PTPRN2: variants seen among roughly 807,000 people sequenced by gnomAD.
PTPRN2 encodes the protein protein tyrosine phosphatase receptor type N2.
Under a neutral mutation model 118.8 loss-of-function variants are expected in PTPRN2, and 74 were observed. The observed-to-expected ratio is 0.62, with a 90% CI of 0.52 to 0.76. The LOEUF is 0.76. Ranked by LOEUF, PTPRN2 falls within the 30% of genes least tolerant of loss-of-function variation. The pLI is 0.00. For synonymous variants in PTPRN2, 641 were observed against 608.0 expected (o/e 1.05, Z -0.80); for missense variants, 1,481 against 1,394.4 (o/e 1.06, Z -0.99).
chr7:158,311,105 T>A (rs4909176), intron 3 of PTPRN2, among the ~76,000 whole-genome samples: 2 of 152,234 alleles, frequency 1.3e-5, no homozygotes, highest in South Asian at 4.1e-4. Context: ...AGGGCGCAAA[T>A]AGAGTGGGCA....
intron 12 of PTPRN2, among the ~76,000 whole-genome samples, chr7:157,759,340 G>A (rs561934900): frequency 5.9e-5 from 9 of 152,334 alleles, no homozygotes; most frequent in Admixed American, 1.3e-4. Flanking sequence ...ATCGGGGAGC[G>A]ATGTTCCTGA....
At chr7:158,304,901 A>G (rs1801170038) in intron 3 of PTPRN2, among the ~76,000 whole-genome samples, 1 of 152,268 alleles carries the variant, frequency 6.6e-6, no homozygotes, top group African/African-American at 2.4e-5. Context: ...GGGATTCTCT[A>G]CAGAATGTAG....
At position 158,207,923 on chromosome 7, in the gene PTPRN2, C is replaced by T. The variant is rs1268079737; in HGVS notation, c.278-2650G>A. ...TAGAAAAGACAATCAGAATCCTATC[C>T]GATAAACTTAACAATGAAATTAGAA... On this transcript the variant is annotated intron_variant, in intron 3 of 22. Transcript: ENST00000389418. Among the ~76,000 whole-genome samples the T allele has an allele frequency of 7.9e-5, 12 of 152,194 alleles. No individual in the cohort carries two copies. The East Asian group carries it at 2.1e-3, about 27-fold the overall frequency.
chr7:158,228,737 C>T (rs1383196689), intron 3 of PTPRN2, among the ~76,000 whole-genome samples: 1 of 152,068 alleles, frequency 6.6e-6, no homozygotes, highest in African/African-American at 2.4e-5. Context: ...GGGAAATTTC[C>T]CCTCAACTCA....
intron 11 of PTPRN2, among the ~76,000 whole-genome samples, chr7:157,936,692 A>T (rs1475175966): frequency 6.6e-6 from 1 of 151,046 alleles, no homozygotes; most frequent in East Asian, 2.0e-4. Flanking sequence ...GTGGGGGTCT[A>T]CAGTGCAGGT....
chr7:158,326,110 C>G (rs1312158490), intron 2 of PTPRN2, among the ~76,000 whole-genome samples: 1 of 152,224 alleles, frequency 6.6e-6, no homozygotes, highest in Non-Finnish European at 1.5e-5. Flanking sequence ...CGCCGCAGGT[C>G]TTGAGTCTGG....
In PTPRN2 at chr7:157,925,415, G is replaced by A. The variant is rs187796806; in HGVS notation, c.1724-26678C>T. Among the ~76,000 whole-genome samples the A allele has an allele frequency of 3.3e-5, 5 of 152,316 alleles. No individual in the cohort carries two copies. The East Asian group carries it at 9.7e-4, about 29-fold the overall frequency. On this transcript the variant is annotated intron_variant, in intron 11 of 22. Transcript: ENST00000389418. ...GTTAAATCCCCTCCAGAATCTTCCAGAATCCCCAAAATCTAAATGCCCACA... is the reference window on the plus strand; with the variant it reads ...GTTAAATCCCCTCCAGAATCTTCCAAAATCCCCAAAATCTAAATGCCCACA...
intron 6 of PTPRN2, among the ~76,000 whole-genome samples, chr7:158,145,259 T>G (rs1479929562): frequency 1.3e-5 from 2 of 149,480 alleles, no homozygotes; most frequent in Non-Finnish European, 3.0e-5. Flanking sequence ...TTGGCAAGAC[T>G]TCCCTCACAT....
intron 2 of PTPRN2, among the ~76,000 whole-genome samples, chr7:158,394,725 G>A (rs1812202080): frequency 1.3e-5 from 2 of 152,226 alleles, no homozygotes; most frequent in South Asian, 2.1e-4. Context: ...CATTCAGGAC[G>A]GGGCGACAAG....
intron 11 of PTPRN2, among the ~76,000 whole-genome samples, chr7:157,918,335 CAA>C (rs1798524165): frequency 6.6e-6 from 1 of 152,200 alleles, no homozygotes; most frequent in Non-Finnish European, 1.5e-5. Flanking sequence ...GAACTTAAAA[CAA>C]ATTACCTGGG....
At chr7:158,254,199 A>G (rs1436047137) in intron 3 of PTPRN2, among the ~76,000 whole-genome samples, 10 of 41,306 alleles carry the variant, frequency 2.4e-4, no homozygotes, top group African/African-American at 1.2e-3. Context: ...TGCCGCCCAC[A>G]GCACAACCCG....
intron 4 of PTPRN2, among the ~76,000 whole-genome samples, chr7:158,202,502 C>T (rs1302002469): frequency 6.6e-6 from 1 of 152,264 alleles, no homozygotes; most frequent in African/African-American, 2.4e-5. Context: ...ACTCCTCTGC[C>T]CTCCATGCTG....
Position 158,378,544 on chromosome 7 carries a change from C to T in PTPRN2, c.164-61612G>A, listed in dbSNP as rs151127488. ...TGCTCCCCACAGGCCCCCTCTATTG[C>T]GAATGCCCTGAGTCAAGCTGCCCAG... is the stretch of plus-strand genomic sequence containing the variant. On this transcript the variant is annotated intron_variant, in intron 2 of 22. Coordinates refer to ENST00000389418, the MANE Select transcript of PTPRN2 (RefSeq NM_002847.5). Among the ~76,000 whole-genome samples, 52 of 152,278 alleles carry T rather than the reference C, an allele frequency of 3.4e-4. No homozygotes were observed. The East Asian group carries it at 4.5e-3, about 13-fold the overall frequency.
chr7:158,067,220 C>A (rs77958470), intron 11 of PTPRN2, among the ~76,000 whole-genome samples: 5,590 of 152,288 alleles, frequency 0.037, 347 homozygotes, highest in African/African-American at 0.13. Context: ...TGCTTTTCAG[C>A]GAAGCCTCCT....
chr7:157,975,124 C>T (rs534587646), intron 11 of PTPRN2, among the ~76,000 whole-genome samples: 20 of 152,206 alleles, frequency 1.3e-4, no homozygotes, highest in African/African-American at 4.8e-4. Context: ...CCTGGGACCT[C>T]GATCTTGGCT....
At chr7:157,772,276 T>C (rs1471174856) in intron 12 of PTPRN2, among the ~76,000 whole-genome samples, 8 of 100,946 alleles carry the variant, frequency 7.9e-5, no homozygotes, top group African/African-American at 1.1e-4. Context: ...CATACAGACA[T>C]ACACAGACAC....
chr7:157,928,097 G>C (rs753648994), intron 11 of PTPRN2, among the ~76,000 whole-genome samples: 30 of 152,208 alleles, frequency 2.0e-4, no homozygotes, highest in Non-Finnish European at 3.8e-4. Flanking sequence ...ATGCACTGTT[G>C]CAGCACTTTA....
chr7:157,670,115 C>T (rs369945201), intron 13 of PTPRN2, among the ~76,000 whole-genome samples: 5 of 152,192 alleles, frequency 3.3e-5, no homozygotes, highest in African/African-American at 4.8e-5. Flanking sequence ...GCAGCTGCAT[C>T]GAGCCCCCGC....
At chr7:158,365,006 C>G (rs569809262) in intron 2 of PTPRN2, among the ~76,000 whole-genome samples, 1 of 152,240 alleles carries the variant, frequency 6.6e-6, no homozygotes, top group African/African-American at 2.4e-5. Context: ...CATGTGCACA[C>G]ACAACACATA....
Sources: gnomAD v4.1 joint callset for allele counts (sites outside exome capture counted in the v4.1 genomes callset) on GRCh38, gnomAD v4.1.1 for gene constraint, MANE v1.5 for transcripts, NCBI Gene and HGNC (gene_info 2026-07-23, HGNC 2026-07-21) for gene names.